The following NCOA7 variants were observed in gnomAD, a reference collection of about 807,000 sequenced individuals.
The protein encoded by NCOA7 is nuclear receptor coactivator 7, also known as 140 kDa estrogen receptor-associated protein.
Under a neutral mutation model 104.3 loss-of-function variants are expected in NCOA7, and 45 were observed. The observed-to-expected ratio is 0.43, with a 90% CI of 0.34 to 0.55. The LOEUF is 0.55. NCOA7 is among the 20% of genes least tolerant of loss of function. The pLI is 0.02. For missense variants in NCOA7, 1,041 were observed against 1,119.7 expected, an observed-to-expected ratio of 0.93 and a Z score of 1.00; for synonymous variants, 398 against 402.3, an observed-to-expected ratio of 0.99 and a Z score of 0.13.
At chr6:125,924,699 CTAAT>C (rs1787872997) in intron 13 of NCOA7, among the ~76,000 whole-genome samples, 1 of 151,956 alleles carries the variant, frequency 6.6e-6, no homozygotes, top group Admixed American at 6.6e-5. Flanking sequence ...TCAAGAAAAT[CTAAT>C]TAATCTCAGT....
intron 2 of NCOA7, among the ~76,000 whole-genome samples, chr6:125,820,928 G>T (rs1025848490): frequency 6.6e-6 from 1 of 152,162 alleles, no homozygotes; most frequent in Non-Finnish European, 1.5e-5. Context: ...TTATTTAACA[G>T]TTGGACCCTA....
At chr6:125,924,521 G>T (rs950748033) in intron 13 of NCOA7, among the ~76,000 whole-genome samples, 8 of 152,214 alleles carry the variant, frequency 5.3e-5, no homozygotes, top group Non-Finnish European at 1.0e-4. Flanking sequence ...GTCTGAAAAT[G>T]AATTATATGA....
intron 1 of NCOA7, among the ~76,000 whole-genome samples, chr6:125,807,830 C>G (rs1445638911): frequency 2.4e-4 from 36 of 152,206 alleles, no homozygotes; most frequent in Non-Finnish European, 2.8e-4. Context: ...TTTCAGCTCT[C>G]AGAGCAACTG....
At chr6:125,822,206 G>A (rs895752738) in intron 2 of NCOA7, among the ~76,000 whole-genome samples, 1 of 152,072 alleles carries the variant, frequency 6.6e-6, no homozygotes, top group African/African-American at 2.4e-5. Context: ...GCCCATTGTT[G>A]GATTCAGATA....
At position 125,915,446 on chromosome 6, in the gene NCOA7, ACTT is replaced by A. The variant is rs750212455; in HGVS notation, c.2215_2217del (p.Phe739del). On this transcript the variant is annotated inframe_deletion, in exon 11 of 16. Transcript: ENST00000392477. ...AAGGAAGAACTGAACATGATTGACA[ACTT>A]CTTCAGTGAGCCAACAACCAAGAGC... is the stretch of plus-strand genomic sequence containing the variant. 1 of 1,613,874 alleles carries A rather than the reference ACTT, an allele frequency of 6.2e-7. No individual in the cohort carries two copies. The highest frequency in any genetic ancestry group is 1.1e-5 in the South Asian group (1 of 91,076).
At chr6:125,833,412 C>G (rs1245346997) in intron 2 of NCOA7, among the ~76,000 whole-genome samples, 1 of 151,922 alleles carries the variant, frequency 6.6e-6, no homozygotes, top group East Asian at 1.9e-4. Flanking sequence ...ATGGTGAAAC[C>G]CTGTCTGTAC....
intron 3 of NCOA7, among the ~76,000 whole-genome samples, chr6:125,862,865 C>T (rs1448380327): frequency 7.3e-6 from 1 of 137,884 alleles, no homozygotes; most frequent in Non-Finnish European, 1.5e-5. Context: ...ACATGTGGTG[C>T]ATGCCTGTAG....
intron 10 of NCOA7, chr6:125,899,782 C>T (rs188333746): frequency 9.1e-6 from 2 of 218,706 alleles, no homozygotes; most frequent in African/African-American, 4.5e-5. Flanking sequence ...AAAACACCCT[C>T]TTAGGCAACC....
At chr6:125,907,723 GT>G (rs1786149523) in intron 10 of NCOA7, among the ~76,000 whole-genome samples, 1 of 152,128 alleles carries the variant, frequency 6.6e-6, no homozygotes, top group South Asian at 2.1e-4. Flanking sequence ...GGGATGGGGT[GT>G]TTGGGCACAT....
rs549240688 is a variant in NCOA7, at chr6:125,931,152, T to C, written c.*2381T>C. 1 of 152,708 alleles carries C rather than the reference T, an allele frequency of 6.5e-6. No individual in the cohort carries two copies. The highest frequency in any genetic ancestry group is 2.4e-5 in the African/African-American group (1 of 41,572). 9.5% of individuals were successfully genotyped at this position (152,708 alleles called of 1,614,324 possible). On this transcript the variant is annotated 3_prime_UTR_variant, in exon 16 of 16. Coordinates refer to ENST00000392477, the MANE Select transcript of NCOA7 (RefSeq NM_181782.5). ...ATTCATTCATCAGGTATTTACTGGG[T>C]ACCAGAGTGTTTATTTTTGTGAGAG...
Position 125,880,517 on chromosome 6 carries a change from ATATTTTATTT to A in NCOA7, c.460-556_460-547del, listed in dbSNP as rs954239333. Among the ~76,000 whole-genome samples, 353 of 150,754 alleles carry A rather than the reference ATATTTTATTT, an allele frequency of 2.3e-3. 1 individual carries two copies. The highest frequency in any genetic ancestry group is 8.1e-3 in the African/African-American group (333 of 41,218). On this transcript the variant is annotated intron_variant, in intron 5 of 15. Transcript: ENST00000392477. ...TTTCTTTTTATTTATTTATTTATTT[ATATTTTATTT>A]TATTTTATTTTATTTTTTGAGGTGG... is the stretch of plus-strand genomic sequence containing the variant.
At chr6:125,850,641 G>A (rs1268454229) in intron 2 of NCOA7, among the ~76,000 whole-genome samples, 1 of 152,168 alleles carries the variant, frequency 6.6e-6, no homozygotes, top group Non-Finnish European at 1.5e-5. Context: ...TCAACTTAAA[G>A]TGGAAAAATT....
At chr6:125,823,587 G>A (rs141360405) in intron 2 of NCOA7, among the ~76,000 whole-genome samples, 20 of 152,146 alleles carry the variant, frequency 1.3e-4, no homozygotes, top group Admixed American at 1.1e-3. Context: ...ATTCATTACT[G>A]GGAAAAATAT....
At chr6:125,900,109 A>G (rs1021523991) in intron 10 of NCOA7, 15 of 505,022 alleles carry the variant, frequency 3.0e-5, no homozygotes, top group African/African-American at 2.5e-4. Context: ...GGCCAGGGTT[A>G]ATTATAGAGC....
chr6:125,905,299 C>T (rs1011507793), intron 10 of NCOA7, among the ~76,000 whole-genome samples: 4 of 150,932 alleles, frequency 2.7e-5, no homozygotes, highest in African/African-American at 9.8e-5. Flanking sequence ...TCTTGTCGCC[C>T]AGGCTGGAGT....
intron 10 of NCOA7, among the ~76,000 whole-genome samples, chr6:125,903,517 G>A (rs1785685952): frequency 6.6e-6 from 1 of 152,132 alleles, no homozygotes; most frequent in Non-Finnish European, 1.5e-5. Context: ...TCCTATGGCA[G>A]CTTCAGCTAT....
At chr6:125,814,446 G>T (rs558515053) in intron 1 of NCOA7, among the ~76,000 whole-genome samples, 1 of 152,284 alleles carries the variant, frequency 6.6e-6, no homozygotes, top group African/African-American at 2.4e-5. Context: ...GTGAGCCACC[G>T]CACAGCCTGC....
rs1225922631 is a variant in NCOA7 at position 125,855,171 on chromosome 6, A to G, written c.202A>G (p.Lys68Glu). 3 of 1,611,898 alleles carry G rather than the reference A, an allele frequency of 1.9e-6. No homozygotes were observed. Among genetic ancestry groups the G allele is most frequent in the African/African-American group, 1.3e-5 (1 of 74,840 alleles). ...AVEEEYMTDE[K>E]KKRKSNQLKE... ...GGAAGAGGAATATATGACTGATGAG[A>G]AAAAAAAGAGAAAAAGTAATCAGTT... The change falls in exon 3 of 16, where the codon AAA (lysine) becomes GAA (glutamate). Residue 68 changes from lysine to glutamate, a missense_variant. Lys to Glu is a moderately conservative substitution (Grantham distance 56). This residue lies in a region of NCOA7 where 914 missense variants were observed against 942.7 expected (regional missense o/e 0.97). Coordinates refer to ENST00000392477, the MANE Select transcript of NCOA7 (RefSeq NM_181782.5).
chr6:125,919,512 G>C, intron 11 of NCOA7: 1 of 1,359,526 alleles, frequency 7.4e-7, no homozygotes, highest in Non-Finnish European at 1.0e-6. Context: ...TTTGAAAGTC[G>C]TTCTAATTAG....
Sources: gnomAD v4.1 joint callset for allele counts (sites outside exome capture counted in the v4.1 genomes callset) on GRCh38, gnomAD v4.1.1 for gene constraint, gnomAD v4.1.1 regional missense constraint, MANE v1.5 for transcripts, NCBI Gene and HGNC (gene_info 2026-07-23, HGNC 2026-07-21) for gene names.